COLEC12: variants seen among roughly 807,000 people sequenced by gnomAD.
COLEC12 encodes collectin-12.
Under a neutral mutation model 71.1 loss-of-function variants are expected in COLEC12, and 33 were observed. The observed-to-expected ratio is 0.46, with a 90% confidence interval of 0.35 to 0.62. The LOEUF (loss-of-function observed/expected upper bound fraction) is 0.62. COLEC12 is among the 20% of genes least tolerant of loss of function. The pLI, the probability that COLEC12 is intolerant of heterozygous loss-of-function variation, is 0.00. For synonymous variants in COLEC12, 350 were observed against 353.0 expected (o/e 0.99, Z 0.10); for missense variants, 765 against 916.1 (o/e 0.84, Z 2.13).
intron 1 of COLEC12, among the ~76,000 whole-genome samples, chr18:486,852 C>G (rs1305613504): frequency 6.6e-6 from 1 of 152,178 alleles, no homozygotes; most frequent in Non-Finnish European, 1.5e-5. Context: ...AATCAGAACC[C>G]TCATATGCTG....
chr18:489,808 G>T (rs1598381583), intron 1 of COLEC12, among the ~76,000 whole-genome samples: 1 of 152,192 alleles, frequency 6.6e-6, no homozygotes, highest in South Asian at 2.1e-4. Context: ...TGCAAGGGTT[G>T]TTAGGGGAAG....
chr18:416,638 C>T lies in COLEC12; in HGVS notation c.59-59116G>A, dbSNP rs532092468. ...TTATAAAGCTTTGGGACTCCTCCAC[C>T]GCCATGCTGGGCGGTGCCATGGGCC... is the stretch of plus-strand genomic sequence containing the variant. On this transcript the variant is annotated intron_variant, in intron 2 of 9. Transcript: ENST00000400256. Among the ~76,000 whole-genome samples, 34 of 152,254 alleles carry T rather than the reference C, an allele frequency of 2.2e-4. 2 individuals carry two copies. The highest frequency in any genetic ancestry group is 2.1e-3 in the East Asian group (11 of 5,182).
Position 319,327 on chromosome 18 carries a change from A to ATATATATAT in COLEC12, c.*717_*718insATATATATA, listed in dbSNP as rs1487697803. 4 of 3,962 alleles carry ATATATATAT rather than the reference A, an allele frequency of 1.0e-3. No homozygotes were observed. The highest frequency in any genetic ancestry group is 0.01 in the South Asian group (1 of 100). 0.2% of individuals were successfully genotyped at this position (3,962 alleles called of 1,614,324 possible). ...CTCTGAGGAAATGAAACATTAAAAAAAAAAAAAAAAAAAAATATATATATA... is the reference window on the plus strand; with the variant it reads ...CTCTGAGGAAATGAAACATTAAAAAATATATATATAAAAAAAAAAAAAAATATATATATA... On this transcript the variant is annotated 3_prime_UTR_variant, in exon 10 of 10. Transcript: ENST00000400256.
At position 500,685 on chromosome 18, in the gene COLEC12, C is replaced by G; in HGVS notation, c.-171G>C. 3.6e-6 allele frequency: 1 copy of G among 278,948 alleles called. No homozygotes were observed. The highest frequency in any genetic ancestry group is 5.7e-6 in the Non-Finnish European group (1 of 175,408). 17.3% of individuals were successfully genotyped at this position (278,948 alleles called of 1,614,324 possible). A position where few individuals can be genotyped will look rare whatever the true frequency, so the allele number is the denominator to read the frequency against. The stretch of plus-strand genomic sequence containing the variant: ...CGCCGGCCCGCGCTCCCCGCGCTCC[C>G]GGCTCCGCGCTCTGCTGCCTCGGGG... On this transcript the variant is annotated 5_prime_UTR_variant, in exon 1 of 10. Transcript: ENST00000400256. This position sits in a 1 kb window ranked among gnomAD's most constrained non-coding sequence, Gnocchi z 5.3.
At chr18:336,100 T>C (rs1481474099) in intron 5 of COLEC12, among the ~76,000 whole-genome samples, 2 of 152,180 alleles carry the variant, frequency 1.3e-5, no homozygotes, top group Admixed American at 6.5e-5. Flanking sequence ...CTGAAGGAGA[T>C]TGATGTATTA....
At chr18:379,914 CA>C (rs1405141283) in intron 2 of COLEC12, among the ~76,000 whole-genome samples, 1 of 152,072 alleles carries the variant, frequency 6.6e-6, no homozygotes, top group African/African-American at 2.4e-5. Context: ...ACAAAAACCA[CA>C]AAGGAGAAGA....
At chr18:342,131 C>T (rs1265314831) in intron 5 of COLEC12, among the ~76,000 whole-genome samples, 2 of 152,168 alleles carry the variant, frequency 1.3e-5, no homozygotes, top group African/African-American at 2.4e-5. Flanking sequence ...GATCTCAGCT[C>T]ACCACAACCT....
At chr18:473,328 C>T (rs1400822346) in intron 2 of COLEC12, among the ~76,000 whole-genome samples, 1 of 152,204 alleles carries the variant, frequency 6.6e-6, no homozygotes, top group Non-Finnish European at 1.5e-5. Flanking sequence ...CAGCTTTCCT[C>T]TTCCCAAGGG....
chr18:399,753 G>A lies in COLEC12; in HGVS notation c.59-42231C>T, dbSNP rs191978857. Among the ~76,000 whole-genome samples, 103 of 152,310 alleles carry A rather than the reference G, an allele frequency of 6.8e-4. No homozygotes were observed. The highest frequency in any genetic ancestry group is 2.4e-3 in the African/African-American group (98 of 41,570). On this transcript the variant is annotated intron_variant, in intron 2 of 9. Coordinates refer to ENST00000400256, the MANE Select transcript of COLEC12 (RefSeq NM_130386.3). This position sits in a 1 kb window ranked among gnomAD's most constrained non-coding sequence, Gnocchi z 4.0. ...GATGCCGAGCGCTGGGAAGGAATAT[G>A]CCCTCGTTCCCCCATCTCCATGACT...
rs141786987 is a variant in COLEC12 at position 348,145 on chromosome 18, T to C, written c.200A>G (p.Asn67Ser). The C allele has an allele frequency of 3.9e-5, 63 of 1,613,168 alleles. No individual in the cohort carries two copies. The highest frequency in any genetic ancestry group is 5.1e-5 in the Non-Finnish European group (60 of 1,179,246). ...AGATGTTTCCATGCCACCTGTGACA[T>C]TGTCCATTTTCTCTACAACTAAGAT... ...LGYKVVEKMD[N>S]VTGGMETSRQ... is the part of the protein sequence containing the mutation. The change falls in exon 4 of 10, where the codon AAT becomes AGT. Residue 67 changes from asparagine (N) to serine (S), a missense_variant. Physicochemically the swap from Asn to Ser is conservative, Grantham distance 46. Transcript: ENST00000400256.
rs528755826 is a variant in COLEC12 at position 461,604 on chromosome 18, T to C, written c.58+19103A>G. ...GATTTCACTATGTTGCCCACACTGG[T>C]CTTGAATTCCTGAACTTGAGCAATT... On this transcript the variant is annotated intron_variant, in intron 2 of 9. Transcript: ENST00000400256. Among the ~76,000 whole-genome samples the C allele has an allele frequency of 7.2e-5, 11 of 152,308 alleles. No homozygotes were observed. The South Asian group carries it at 2.3e-3, about 32-fold the overall frequency.
chr18:434,750 A>C (rs551180875), intron 2 of COLEC12, among the ~76,000 whole-genome samples: 1 of 152,346 alleles, frequency 6.6e-6, no homozygotes, highest in East Asian at 1.9e-4. Context: ...CACTCTCCCC[A>C]GCTGAACATA....
At chr18:343,415 T>TG (rs1914300822) in intron 5 of COLEC12, among the ~76,000 whole-genome samples, 1 of 151,824 alleles carries the variant, frequency 6.6e-6, no homozygotes, top group South Asian at 2.1e-4. Flanking sequence ...TCCTCCTGAA[T>TG]GAGGGTACCC....
chr18:379,126 T>G (rs1915177283), intron 2 of COLEC12, among the ~76,000 whole-genome samples: 1 of 118,894 alleles, frequency 8.4e-6, no homozygotes, highest in South Asian at 2.7e-4. Context: ...TTTGTTTTTG[T>G]TTTTTTTTTT....
intron 2 of COLEC12, among the ~76,000 whole-genome samples, chr18:440,644 T>C (rs1191128115): frequency 6.6e-6 from 1 of 152,226 alleles, no homozygotes; most frequent in African/African-American, 2.4e-5. Flanking sequence ...AGTCCACAGA[T>C]GCTCAAGTCC....
In COLEC12 at chr18:480,664, C is replaced by A. The variant is rs73358558; in HGVS notation, c.58+43G>T. ...TCTCTGAGGGTTCGTGGCTGCATCC[C>A]AGGTTGACCACTGAGAAGGAACACA... On this transcript the variant is annotated intron_variant, in intron 2 of 9. Transcript: ENST00000400256. The surrounding 1 kb of genome is among the most constrained non-coding windows in gnomAD (Gnocchi z 4.1). The A allele has an allele frequency of 3.8e-5, 60 of 1,578,710 alleles. No homozygotes were observed. In the African/African-American group the frequency reaches 6.6e-4, roughly 17 times the overall value.
intron 2 of COLEC12, among the ~76,000 whole-genome samples, chr18:406,156 A>G (rs2143625460): frequency 6.6e-6 from 1 of 152,256 alleles, no homozygotes; most frequent in Non-Finnish European, 1.5e-5. Context: ...TAGGGTCTAA[A>G]AAGGGGAGAC....
chr18:387,679 A>G (rs1915374758), intron 2 of COLEC12, among the ~76,000 whole-genome samples: 1 of 152,204 alleles, frequency 6.6e-6, no homozygotes. Context: ...GTATTTTCAT[A>G]ACTCTTAAAA....
At chr18:465,835 G>A (rs773122027) in intron 2 of COLEC12, among the ~76,000 whole-genome samples, 6 of 152,188 alleles carry the variant, frequency 3.9e-5, no homozygotes, top group South Asian at 2.1e-4. Context: ...CACTTTGGGA[G>A]GCTGAAGCAG....
Sources: gnomAD v4.1 joint callset for allele counts (sites outside exome capture counted in the v4.1 genomes callset) on GRCh38, gnomAD v4.1.1 for gene constraint, Gnocchi (gnomAD v3.1) non-coding constraint, MANE v1.5 for transcripts, NCBI Gene and HGNC (gene_info 2026-07-23, HGNC 2026-07-21) for gene names.